The following GAB3 variants were observed in gnomAD, a reference collection of about 807,000 sequenced individuals.
GAB3 encodes GRB2 associated binding protein 3.
Under a neutral mutation model 40.4 loss-of-function variants are expected in GAB3, and 12 were observed. That is an observed-to-expected ratio of 0.30 (90% confidence interval 0.19 to 0.48). The LOEUF is 0.48. Among genes scored for constraint, GAB3 ranks in the 20% least tolerant of loss-of-function variants. The pLI is 0.99. For synonymous variants in GAB3, 154 were observed against 176.7 expected (o/e 0.87, Z 1.02); for missense variants, 381 against 461.9 (o/e 0.82, Z 1.61).
chrX:154,718,017 C>G (rs2071072629), intron 1 of GAB3, among the ~76,000 whole-genome samples: 1 of 111,184 alleles, frequency 9.0e-6, no homozygotes, highest in African/African-American at 3.3e-5. Context: ...CATGCGGTAG[C>G]ATGTGTGACA....
intron 8 of GAB3, among the ~76,000 whole-genome samples, chrX:154,689,324 A>G (rs1173940633): frequency 7.2e-5 from 8 of 110,716 alleles, no homozygotes; most frequent in Non-Finnish European, 1.3e-4. Context: ...GAATGGGCAA[A>G]AACTGGAAGC....
chrX:154,731,815 G>A (rs782444309), intron 1 of GAB3, among the ~76,000 whole-genome samples: 3 of 111,938 alleles, frequency 2.7e-5, no homozygotes, highest in Non-Finnish European at 3.8e-5. Context: ...TAGCTAACAC[G>A]TATATCCCAG....
chrX:154,706,118 A>G (rs1270242672), intron 4 of GAB3, among the ~76,000 whole-genome samples: 1 of 111,834 alleles, frequency 8.9e-6, no homozygotes, highest in Non-Finnish European at 1.9e-5. Flanking sequence ...AGAAGAATTA[A>G]TATTCTTCTG....
chrX:154,692,658 C>T (rs1337661329), intron 8 of GAB3, among the ~76,000 whole-genome samples: 2 of 111,522 alleles, frequency 1.8e-5, no homozygotes, highest in East Asian at 5.6e-4. Flanking sequence ...CATGGTGGTA[C>T]ACGCCTGTAA....
chrX:154,717,743 T>G (rs1050171668), intron 1 of GAB3, among the ~76,000 whole-genome samples: 1 of 111,525 alleles, frequency 9.0e-6, no homozygotes, highest in Non-Finnish European at 1.9e-5. Flanking sequence ...GTATTTACAA[T>G]TGACCAAAGC....
In GAB3 at chrX:154,737,360, T is replaced by C. The variant is rs1448059096; in HGVS notation, c.72+13594A>G. Among the ~76,000 whole-genome samples, 6 of 111,556 alleles carry C rather than the reference T, an allele frequency of 5.4e-5. No individual in the cohort carries two copies. The Admixed American group carries it at 5.7e-4, about 11-fold the overall frequency. On this transcript the variant is annotated intron_variant, in intron 1 of 9. Transcript: ENST00000424127. ...TCGCCTCTAATGGTCTCTCCTCTTA[T>C]CTCTTCTCAGTTTTGCTGACACTTT...
At position 154,697,193 on chromosome X, in the gene GAB3, G is replaced by C. The variant is rs150302353; in HGVS notation, c.1366C>G (p.Leu456Val). 4.2e-6 allele frequency: 5 copies of C among 1,186,769 alleles called. No homozygotes were observed. The highest frequency in any genetic ancestry group is 5.7e-6 in the Non-Finnish European group (5 of 883,463). Residue 456 changes from leucine (L) to valine (V), a missense_variant, in exon 7 of 10, where the codon CTG becomes GTG. Physicochemically the swap from Leu to Val is conservative, Grantham distance 32 (BLOSUM62 1). Transcript: ENST00000424127. ...QRKSRPPPLD[L>V]RNLSIIREHA... is the part of the protein sequence containing the mutation. ...TCCCGGATGATCGAGAGGTTTCTCA[G>C]GTCCAGAGGAGGTGGCCGTGCTACA... is the stretch of plus-strand genomic sequence containing the variant.
At position 154,712,516 on chromosome X, in the gene GAB3, C is replaced by T; in HGVS notation, c.782G>A (p.Arg261Lys). 8.3e-7 allele frequency: 1 copy of T among 1,204,878 alleles called. No individual in the cohort carries two copies. Among genetic ancestry groups the T allele is most frequent in the Non-Finnish European group, 1.1e-6 (1 of 892,081 alleles). ...SRPQAALIWSREINGPPRDHL... is the reference protein window; with the variant it reads ...SRPQAALIWSKEINGPPRDHL... ...GTCCCTGGGTGGCCCATTGATTTCT[C>T]TACTCCAGATCAGGGCAGCCTGAGG... The change falls in exon 4 of 10, where the codon AGA becomes AAA. Residue 261 changes from arginine to lysine, a missense_variant. Arg to Lys is a conservative substitution (Grantham distance 26). Around this residue, in one of 2 missense-constraint regions of GAB3, gnomAD observed 364 missense variants for 421.0 expected, o/e 0.86. Transcript: ENST00000424127.
rs782608132 is a variant in GAB3 at position 154,676,723 on chromosome X, C to A, written c.*1455G>T. 1 of 111,996 alleles carries A rather than the reference C, an allele frequency of 8.9e-6. No homozygotes were observed. Among genetic ancestry groups the A allele is most frequent in the Non-Finnish European group, 1.9e-5 (1 of 53,167 alleles). 9.2% of individuals were successfully genotyped at this position (111,996 alleles called of 1,213,427 possible). On this transcript the variant is annotated 3_prime_UTR_variant, in exon 10 of 10. Coordinates refer to ENST00000424127, the MANE Select transcript of GAB3 (RefSeq NM_001081573.3). Reference sequence around the variant, plus strand: ...TCCTGTAGCAAAGTCTACAACTGCCCCAACTGCACTGACTATCATGGGCCT... The same window carrying A: ...TCCTGTAGCAAAGTCTACAACTGCCACAACTGCACTGACTATCATGGGCCT...
chrX:154,743,985 A>G (rs1238993553), intron 1 of GAB3, among the ~76,000 whole-genome samples: 6 of 110,700 alleles, frequency 5.4e-5, no homozygotes, highest in African/African-American at 2.0e-4. Flanking sequence ...GGAGGCCAAG[A>G]CAGGCGGATC....
At chrX:154,735,367 G>A (rs1278697612) in intron 1 of GAB3, among the ~76,000 whole-genome samples, 1 of 111,953 alleles carries the variant, frequency 8.9e-6, no homozygotes. Context: ...CCATTTACAA[G>A]TCGGAGTGAA....
chrX:154,744,619 A>T (rs782024780), intron 1 of GAB3, among the ~76,000 whole-genome samples: 135 of 112,585 alleles, frequency 1.2e-3, no homozygotes, highest in African/African-American at 4.2e-3. Context: ...CTCCCTCAGT[A>T]ACTGAGAGTA....
At chrX:154,730,971 C>G (rs1445747968) in intron 1 of GAB3, among the ~76,000 whole-genome samples, 3 of 112,112 alleles carry the variant, frequency 2.7e-5, no homozygotes, top group Non-Finnish European at 3.8e-5. Flanking sequence ...GTATGGTGGG[C>G]CTTGGAAGGG....
chrX:154,688,808 A>C lies in GAB3; in HGVS notation c.1530+7109T>G, dbSNP rs1417193791. Among the ~76,000 whole-genome samples, 3 of 111,694 alleles carry C rather than the reference A, an allele frequency of 2.7e-5. No individual in the cohort carries two copies. In the Admixed American group the frequency reaches 2.9e-4, roughly 11 times the overall value. ...AATATACATCCATCAGAAGGTAGAA[A>C]ATTTAAAAATCTAGTAATACCAGAG... On this transcript the variant is annotated intron_variant, in intron 8 of 9. Coordinates refer to ENST00000424127, the MANE Select transcript of GAB3 (RefSeq NM_001081573.3).
rs1557246014 is a variant in GAB3 at position 154,678,156 on chromosome X, A to C, written c.*22T>G. The C allele has an allele frequency of 1.1e-6, 1 of 881,595 alleles. No homozygotes were observed. The highest frequency in any genetic ancestry group is 3.2e-5 in the East Asian group (1 of 31,394). The allele number at this position is 881,595 out of a possible 1,213,427, so 72.7% of individuals were successfully genotyped here. A position where few individuals can be genotyped will look rare whatever the true frequency, so the allele number is the denominator to read the frequency against. On this transcript the variant is annotated 3_prime_UTR_variant, in exon 10 of 10. Transcript: ENST00000424127. ...TGAGCCCCAAGCTTCCCTGTTTCAC[A>C]CATGGCACAAGCCCGCACCTCTCAT...
intron 8 of GAB3, among the ~76,000 whole-genome samples, chrX:154,695,341 T>C (rs1171358640): frequency 5.4e-5 from 6 of 111,750 alleles, no homozygotes. Context: ...TCAGGACTCT[T>C]TAACTGCAAA....
chrX:154,708,785 T>C (rs1557254467), intron 4 of GAB3, among the ~76,000 whole-genome samples: 1 of 112,109 alleles, frequency 8.9e-6, no homozygotes, highest in East Asian at 2.8e-4. Flanking sequence ...ATAGCCATTA[T>C]GGAAAACAGT....
intron 1 of GAB3, among the ~76,000 whole-genome samples, chrX:154,741,870 C>T (rs989132191): frequency 9.1e-5 from 10 of 110,425 alleles, no homozygotes; most frequent in African/African-American, 2.6e-4. Context: ...CATCATATCT[C>T]GTGAGATTCA....
intron 8 of GAB3, among the ~76,000 whole-genome samples, chrX:154,692,222 A>G (rs1270094570): frequency 2.7e-5 from 3 of 111,991 alleles, no homozygotes; most frequent in Non-Finnish European, 3.8e-5. Context: ...GAATGAAAAG[A>G]CAACCCACAG....
Sources: gnomAD v4.1 joint callset for allele counts (sites outside exome capture counted in the v4.1 genomes callset) on GRCh38, gnomAD v4.1.1 for gene constraint, gnomAD v4.1.1 regional missense constraint, MANE v1.5 for transcripts, NCBI Gene and HGNC (gene_info 2026-07-23, HGNC 2026-07-21) for gene names.